Variants in TSPAN9 observed in about 807,000 individuals in gnomAD.
The protein encoded by TSPAN9 is tetraspanin-9.
Under a neutral mutation model 31.0 loss-of-function variants are expected in TSPAN9, and 16 were observed. The observed-to-expected ratio is 0.52, with a 90% CI of 0.35 to 0.78. TSPAN9 has a LOEUF of 0.78. Ranked by LOEUF, TSPAN9 falls within the 30% of genes least tolerant of loss-of-function variation. The pLI is 0.01. For synonymous variants in TSPAN9, 145 were observed against 121.6 expected, an observed-to-expected ratio of 1.19 and a Z score of -1.27; for missense variants, 272 against 312.5, an observed-to-expected ratio of 0.87 and a Z score of 0.98.
intron 1 of TSPAN9, among the ~76,000 whole-genome samples, chr12:3,080,827 A>T (rs2098297492): frequency 6.6e-6 from 1 of 152,154 alleles, no homozygotes; most frequent in Non-Finnish European, 1.5e-5. Flanking sequence ...AGTGTGCTTT[A>T]TTAAGCTCCT....
intron 2 of TSPAN9, among the ~76,000 whole-genome samples, chr12:3,117,094 C>T (rs1309009896): frequency 1.3e-5 from 2 of 152,286 alleles, no homozygotes; most frequent in African/African-American, 4.8e-5. Context: ...TAGATAGTCT[C>T]ATTCTAAATT....
At chr12:3,173,355 C>G (rs2098353179) in intron 2 of TSPAN9, 2 of 152,418 alleles carry the variant, frequency 1.3e-5, no homozygotes, top group Non-Finnish European at 1.5e-5. Context: ...TATTTGCTCT[C>G]CCTGCAATGC....
chr12:3,106,835 C>T (rs1204994577), intron 2 of TSPAN9, among the ~76,000 whole-genome samples: 2 of 152,150 alleles, frequency 1.3e-5, no homozygotes, highest in Non-Finnish European at 2.9e-5. Context: ...GGCTATATAG[C>T]GCCAGGCTGC....
intron 3 of TSPAN9, among the ~76,000 whole-genome samples, chr12:3,265,777 G>A (rs769714679): frequency 6.6e-6 from 1 of 152,196 alleles, no homozygotes; most frequent in Non-Finnish European, 1.5e-5. Context: ...TGGAATCTTA[G>A]ATCTTTCTCA....
intron 3 of TSPAN9, among the ~76,000 whole-genome samples, chr12:3,205,792 A>T (rs1006479619): frequency 6.6e-5 from 10 of 151,838 alleles, no homozygotes; most frequent in African/African-American, 1.7e-4. Context: ...AGTAGATCTT[A>T]AGGGTGGGTC....
At chr12:3,119,142 C>T (rs1565582378) in intron 2 of TSPAN9, among the ~76,000 whole-genome samples, 1 of 152,232 alleles carries the variant, frequency 6.6e-6, no homozygotes, top group East Asian at 1.9e-4. Context: ...TTCCCTGACC[C>T]CACACTGGAC....
chr12:3,087,089 ATG>A (rs2098300904), intron 2 of TSPAN9, among the ~76,000 whole-genome samples: 2 of 152,202 alleles, frequency 1.3e-5, no homozygotes, highest in African/African-American at 4.8e-5. Context: ...GGGTGCAGCC[ATG>A]CACATGTGTG....
At chr12:3,250,091 G>A (rs1299414478) in intron 3 of TSPAN9, among the ~76,000 whole-genome samples, 2 of 152,144 alleles carry the variant, frequency 1.3e-5, no homozygotes, top group Non-Finnish European at 2.9e-5. Flanking sequence ...TTCCTCCAGG[G>A]CTGTCTTTGA....
At chr12:3,106,319 C>T (rs1031408573) in intron 2 of TSPAN9, among the ~76,000 whole-genome samples, 2 of 152,182 alleles carry the variant, frequency 1.3e-5, no homozygotes, top group African/African-American at 4.8e-5. Context: ...CTCAGTTTAC[C>T]CCTCTTGTAT....
intron 2 of TSPAN9, among the ~76,000 whole-genome samples, chr12:3,184,038 G>C (rs1465409985): frequency 6.6e-6 from 1 of 152,148 alleles, no homozygotes; most frequent in Admixed American, 6.5e-5. Context: ...GGGAAGGGAG[G>C]GGGAGGGAGA....
chr12:3,209,981 A>T (rs2098377615), intron 3 of TSPAN9, among the ~76,000 whole-genome samples: 1 of 93,916 alleles, frequency 1.1e-5, no homozygotes, highest in Admixed American at 1.2e-4. Context: ...AAAAAAAAAA[A>T]AAAAATTAGC....
chr12:3,180,821 C>G (rs948834474), intron 2 of TSPAN9, among the ~76,000 whole-genome samples: 1 of 152,164 alleles, frequency 6.6e-6, no homozygotes, highest in Non-Finnish European at 1.5e-5. Context: ...GTCTTAGGAT[C>G]TTAGGTTAAC....
intron 3 of TSPAN9, among the ~76,000 whole-genome samples, chr12:3,205,263 G>C (rs887125957): frequency 3.3e-5 from 5 of 152,224 alleles, no homozygotes; most frequent in African/African-American, 1.2e-4. Flanking sequence ...CCTATTCCTT[G>C]TGGATCGCTC....
intron 2 of TSPAN9, among the ~76,000 whole-genome samples, chr12:3,115,657 C>T (rs975829196): frequency 6.6e-6 from 1 of 152,170 alleles, no homozygotes; most frequent in Non-Finnish European, 1.5e-5. Flanking sequence ...GGCAAGAGAG[C>T]TCTCTGAGGT....
rs71577859 is a variant in TSPAN9, at chr12:3,283,498, G to A, written c.*382G>A. 15 of 172,808 alleles carry A rather than the reference G, an allele frequency of 8.7e-5. No individual in the cohort carries two copies. The highest frequency in any genetic ancestry group is 1.9e-4 in the South Asian group (1 of 5,318). 10.7% of individuals were successfully genotyped at this position (172,808 alleles called of 1,614,324 possible). On this transcript the variant is annotated 3_prime_UTR_variant, in exon 9 of 9. Transcript: ENST00000011898. Reference sequence around the variant, plus strand: ...AGAGTGCCCGCCCCGTGGAGATACCGCCCCAGCGGGGGCTGCGACATCCAT... The same window carrying A: ...AGAGTGCCCGCCCCGTGGAGATACCACCCCAGCGGGGGCTGCGACATCCAT...
At chr12:3,275,837 G>T (rs1375327159) in intron 3 of TSPAN9, among the ~76,000 whole-genome samples, 2 of 152,252 alleles carry the variant, frequency 1.3e-5, no homozygotes, top group Non-Finnish European at 2.9e-5. Flanking sequence ...GGACCCCCCT[G>T]CAGCTCCTTG....
chr12:3,260,919 G>A (rs186667538), intron 3 of TSPAN9, among the ~76,000 whole-genome samples: 11 of 152,328 alleles, frequency 7.2e-5, no homozygotes, highest in Admixed American at 7.2e-4. Flanking sequence ...ATATGGAAAT[G>A]ATGAGCCTCT....
At chr12:3,179,237 G>A (rs950704476) in intron 2 of TSPAN9, among the ~76,000 whole-genome samples, 1 of 152,112 alleles carries the variant, frequency 6.6e-6, no homozygotes, top group Non-Finnish European at 1.5e-5. Flanking sequence ...AAGTCATCTA[G>A]GAAGGAAGGG....
At chr12:3,198,676 C>T (rs866400783) in intron 2 of TSPAN9, among the ~76,000 whole-genome samples, 105 of 77,424 alleles carry the variant, frequency 1.4e-3, no homozygotes, top group African/African-American at 3.5e-3. Flanking sequence ...CCAGCACAGG[C>T]CACCACCAGC....
Sources: allele counts gnomAD v4.1 joint callset (sites outside exome capture counted in the v4.1 genomes callset), GRCh38; gene constraint gnomAD v4.1.1; transcripts MANE v1.5; gene names NCBI Gene and HGNC (gene_info 2026-07-23, HGNC 2026-07-21).